PCDHGA3: variants seen among roughly 807,000 people sequenced by gnomAD.
The protein encoded by PCDHGA3 is protocadherin gamma-A3.
In PCDHGA3, 40 loss-of-function variants were observed where a neutral mutation model predicts 58.5. The observed-to-expected ratio is 0.68, with a 90% CI of 0.53 to 0.89. The LOEUF is 0.89. Ranked by LOEUF, PCDHGA3 falls within the 40% of genes least tolerant of loss-of-function variation. PCDHGA3 has a pLI of 0.00. For missense variants in PCDHGA3, 1,223 were observed against 1,195.9 expected (o/e 1.02, Z -0.33); for synonymous variants, 530 against 525.7 (o/e 1.01, Z -0.11).
chr5:141,469,049 G>A (rs916327969), intron 1 of PCDHGA3, among the ~76,000 whole-genome samples: 3 of 152,054 alleles, frequency 2.0e-5, no homozygotes, highest in African/African-American at 2.4e-5. Context: ...GGCCAAGGTG[G>A]GAGGATTGCT....
At position 141,345,862 on chromosome 5, in the gene PCDHGA3, A is replaced by C. The variant is rs1166256856; in HGVS notation, c.1829A>C (p.Lys610Thr). Residue 610 changes from lysine (K) to threonine (T), a missense_variant, in exon 1 of 4, where the codon AAG (lysine) becomes ACG (threonine). This residue lies in a region of PCDHGA3 where 107 missense variants were observed against 159.8 expected (regional missense o/e 0.67). Transcript: ENST00000253812. ...GCCTGGCTGTCCTACCGCCTGCTCAAGGCCAGCGAGCCGGGACTCTTCTCG... is the reference window on the plus strand; with the variant it reads ...GCCTGGCTGTCCTACCGCCTGCTCACGGCCAGCGAGCCGGGACTCTTCTCG... ...QNAWLSYRLL[K>T]ASEPGLFSVG... The C allele has an allele frequency of 6.2e-7, 1 of 1,612,574 alleles. No individual in the cohort carries two copies. Among genetic ancestry groups the C allele is most frequent in the Non-Finnish European group, 8.5e-7 (1 of 1,179,822 alleles).
chr5:141,487,857 T>A lies in PCDHGA3; in HGVS notation c.2425-6950T>A. Reference sequence around the variant, plus strand: ...TATCTGAGTAAGAAATGAAAGTAATTGGTGATCAAGAGCCAGGCTGTTGTG... The same window carrying A: ...TATCTGAGTAAGAAATGAAAGTAATAGGTGATCAAGAGCCAGGCTGTTGTG... On this transcript the variant is annotated intron_variant, in intron 1 of 3. Coordinates refer to ENST00000253812, the MANE Select transcript of PCDHGA3 (RefSeq NM_018916.4). The surrounding 1 kb of genome is among the most constrained non-coding windows in gnomAD (Gnocchi z 5.0). The A allele has an allele frequency of 1.0e-6, 1 of 964,674 alleles. No individual in the cohort carries two copies. Among genetic ancestry groups the A allele is most frequent in the Non-Finnish European group, 1.5e-6 (1 of 659,920 alleles). 59.8% of individuals were successfully genotyped at this position (964,674 alleles called of 1,614,324 possible). A position where few individuals can be genotyped will look rare whatever the true frequency, so the allele number is the denominator to read the frequency against.
rs548016343 is a variant in PCDHGA3, at chr5:141,369,768, A to G, written c.2424+23311A>G. Among the ~76,000 whole-genome samples the G allele has an allele frequency of 7.2e-5, 11 of 152,370 alleles. No individual in the cohort carries two copies. The East Asian group carries it at 1.9e-3, about 27-fold the overall frequency. ...TGCAATAAGAATACACGTGAAGCTG[A>G]TATTTCAAGCCTCTTTATACTACGT... is the stretch of plus-strand genomic sequence containing the variant. On this transcript the variant is annotated intron_variant, in intron 1 of 3. Coordinates refer to ENST00000253812, the MANE Select transcript of PCDHGA3 (RefSeq NM_018916.4).
At position 141,477,222 on chromosome 5, in the gene PCDHGA3, C is replaced by T; in HGVS notation, c.2425-17585C>T. Reference sequence around the variant, plus strand: ...GTACCCGAGGATGCCCCTCTGGGGACTGTCATCGCTTTGCTCAGTGTGACT... The same window carrying T: ...GTACCCGAGGATGCCCCTCTGGGGATTGTCATCGCTTTGCTCAGTGTGACT... On this transcript the variant is annotated intron_variant, in intron 1 of 3. Transcript: ENST00000253812. This position sits in a 1 kb window ranked among gnomAD's most constrained non-coding sequence, Gnocchi z 4.9. 2 of 1,614,218 alleles carry T rather than the reference C, an allele frequency of 1.2e-6. No homozygotes were observed. Among genetic ancestry groups the T allele is most frequent in the South Asian group, 1.1e-5 (1 of 91,086 alleles).
chr5:141,439,680 A>T (rs1478261632), intron 1 of PCDHGA3, among the ~76,000 whole-genome samples: 1 of 152,236 alleles, frequency 6.6e-6, no homozygotes, highest in African/African-American at 2.4e-5. Context: ...ATCCAAGAGC[A>T]GACCCACAAC....
At chr5:141,404,877 T>C in intron 1 of PCDHGA3, 1 of 1,613,856 alleles carries the variant, frequency 6.2e-7, no homozygotes, top group East Asian at 2.2e-5. Flanking sequence ...AAACAGAGCC[T>C]TGTGGTGGCT....
In PCDHGA3 at chr5:141,345,851, C is replaced by A; in HGVS notation, c.1818C>A (p.Tyr606Ter). The change falls in exon 1 of 4, where the codon TAC becomes TAA. Residue 606 changes from tyrosine to a stop codon, truncating the protein, a stop_gained. Coordinates refer to ENST00000253812, the MANE Select transcript of PCDHGA3 (RefSeq NM_018916.4). LOFTEE classifies it high-confidence loss of function. ...CGGGCCAGAACGCCTGGCTGTCCTA[C>A]CGCCTGCTCAAGGCCAGCGAGCCGG... Reference protein sequence around the residue: ...RDSGQNAWLSYRLLKASEPGL... With the variant: ...RDSGQNAWLS 1 of 1,613,502 alleles carries A rather than the reference C, an allele frequency of 6.2e-7. No homozygotes were observed. The highest frequency in any genetic ancestry group is 1.3e-5 in the African/African-American group (1 of 75,032).
At chr5:141,350,127 C>A in intron 1 of PCDHGA3, 1 of 689,194 alleles carries the variant, frequency 1.5e-6, no homozygotes, top group Non-Finnish European at 2.2e-6. Flanking sequence ...GTGCACTGAG[C>A]ACAGACGCTG....
At chr5:141,414,587 G>A (rs775783880) in intron 1 of PCDHGA3, 5 of 1,613,828 alleles carry the variant, frequency 3.1e-6, no homozygotes, top group Non-Finnish European at 8.5e-7. Context: ...AACAACGCCA[G>A]GGGTGCCTCC....
chr5:141,388,910 C>T, intron 1 of PCDHGA3: 1 of 1,613,852 alleles, frequency 6.2e-7, no homozygotes, highest in East Asian at 2.2e-5. Context: ...ATGACAACGC[C>T]CCAGAAGTGA....
chr5:141,428,949 G>T (rs2097173007), intron 1 of PCDHGA3: 1 of 152,034 alleles, frequency 6.6e-6, no homozygotes, highest in Admixed American at 6.6e-5. Flanking sequence ...CTGCCTTCCG[G>T]GTTCTGGCCA....
rs764957747 is a variant in PCDHGA3, at chr5:141,505,453, G to A, written c.2544G>A (p.Leu848=). Residue 848 remains leucine (L), a synonymous_variant, in exon 3 of 4, where the codon CTG becomes CTA. Coordinates refer to ENST00000253812, the MANE Select transcript of PCDHGA3 (RefSeq NM_018916.4). ...ACAACCAGTTTGACACAGAGATGCT[G>A]CAAGCCATGATCTTGGCGTCCGCCA... ...WPNNQFDTEM[L]QAMILASASE... 3 of 1,614,190 alleles carry A rather than the reference G, an allele frequency of 1.9e-6. No individual in the cohort carries two copies. Among genetic ancestry groups the A allele is most frequent in the Non-Finnish European group, 2.5e-6 (3 of 1,180,012 alleles).
At chr5:141,390,341 A>T (rs766269615) in intron 1 of PCDHGA3, 5 of 1,587,538 alleles carry the variant, frequency 3.1e-6, no homozygotes, top group Non-Finnish European at 4.3e-6. Flanking sequence ...CATATTCACA[A>T]GAAAATATAC....
At chr5:141,456,949 C>A (rs1277351419) in intron 1 of PCDHGA3, among the ~76,000 whole-genome samples, 2 of 152,080 alleles carry the variant, frequency 1.3e-5, no homozygotes, top group East Asian at 3.9e-4. Flanking sequence ...GGCAACAGAG[C>A]AAAACTCCAT....
chr5:141,372,402 G>C, intron 1 of PCDHGA3: 1 of 1,614,058 alleles, frequency 6.2e-7, no homozygotes, highest in Non-Finnish European at 8.5e-7. Context: ...TAGCTTGCAA[G>C]AGATACAACC....
At position 141,491,117 on chromosome 5, in the gene PCDHGA3, G is replaced by A; in HGVS notation, c.2425-3690G>A. ...CTGTTCCTCGTGTCTACACACACTGGTGAGGTGCGCACAGCCCGGGCCTTA... is the reference window on the plus strand; with the variant it reads ...CTGTTCCTCGTGTCTACACACACTGATGAGGTGCGCACAGCCCGGGCCTTA... On this transcript the variant is annotated intron_variant, in intron 1 of 3. Coordinates refer to ENST00000253812, the MANE Select transcript of PCDHGA3 (RefSeq NM_018916.4). The surrounding 1 kb of genome is among the most constrained non-coding windows in gnomAD (Gnocchi z 6.9). 1 of 1,614,196 alleles carries A rather than the reference G, an allele frequency of 6.2e-7. No homozygotes were observed.
intron 1 of PCDHGA3, 169 bp downstream of exon 1, chr5:141,346,626 G>T: frequency 9.8e-7 from 1 of 1,022,914 alleles, no homozygotes; most frequent in Non-Finnish European, 1.4e-6. Context: ...TGCACTCCCC[G>T]GTCTGGTTAT....
chr5:141,398,472 C>T (rs2093659150), intron 1 of PCDHGA3: 1 of 1,606,348 alleles, frequency 6.2e-7, no homozygotes, highest in Non-Finnish European at 8.5e-7. Context: ...ATCCACTGAA[C>T]TTTTATCACG....
chr5:141,489,088 G>GCCAA lies in PCDHGA3; in HGVS notation c.2425-5719_2425-5718insCCAA. The GCCAA allele has an allele frequency of 2.9e-6, 1 of 347,240 alleles. No individual in the cohort carries two copies. Among genetic ancestry groups the GCCAA allele is most frequent in the Non-Finnish European group, 5.0e-6 (1 of 200,708 alleles). The allele number at this position is 347,240 out of a possible 1,614,324, so 21.5% of individuals were successfully genotyped here. A position where few individuals can be genotyped will look rare whatever the true frequency, so the allele number is the denominator to read the frequency against. ...CCCCTGCCCACCCCCGCCACTCGGT[G>GCCAA]ACTAAGAACTGCTGCAAGCAGGCAA... On this transcript the variant is annotated intron_variant, in intron 1 of 3. Transcript: ENST00000253812. This position sits in a 1 kb window ranked among gnomAD's most constrained non-coding sequence, Gnocchi z 4.5.
Sources: allele counts gnomAD v4.1 joint callset (sites outside exome capture counted in the v4.1 genomes callset), GRCh38; gene constraint gnomAD v4.1.1; regional missense constraint gnomAD v4.1.1; non-coding constraint Gnocchi (gnomAD v3.1); transcripts MANE v1.5; gene names NCBI Gene and HGNC (gene_info 2026-07-23, HGNC 2026-07-21).